Variants in CFAP57 observed in about 807,000 individuals in gnomAD.
CFAP57 encodes cilia- and flagella-associated protein 57.
In CFAP57, 116 loss-of-function variants were observed where a neutral mutation model predicts 146.8. The ratio of observed to expected loss-of-function variants is 0.79; its 90% CI spans 0.68 to 0.92. The LOEUF (loss-of-function observed/expected upper bound fraction) is 0.92, where lower values mean the gene tolerates loss of function less well. Among genes scored for constraint, CFAP57 ranks in the 40% least tolerant of loss-of-function variants. CFAP57 has a pLI of 0.00. For missense variants in CFAP57, 1,377 were observed against 1,527.2 expected (o/e 0.90, Z 1.64); for synonymous variants, 518 against 552.8 (o/e 0.94, Z 0.88).
intron 13 of CFAP57, 171 bp downstream of exon 13, chr1:43,219,708 G>A: frequency 2.5e-6 from 2 of 802,948 alleles, no homozygotes; most frequent in African/African-American, 1.7e-5. Context: ...CAGGCACAGT[G>A]GCTCATGCCT....
intron 18 of CFAP57, among the ~76,000 whole-genome samples, chr1:43,228,104 G>A (rs913429171): frequency 6.6e-6 from 1 of 152,128 alleles, no homozygotes; most frequent in Admixed American, 6.5e-5. Context: ...CTCCCCAGTG[G>A]GGTCCCATCC....
chr1:43,210,151 TC>T, intron 11 of CFAP57: 2 of 1,590,324 alleles, frequency 1.3e-6, no homozygotes, highest in South Asian at 2.2e-5. Context: ...TACAACGTTT[TC>T]ACCATAATAT....
chr1:43,207,635 A>C (rs1238108503), intron 10 of CFAP57, among the ~76,000 whole-genome samples: 1 of 152,198 alleles, frequency 6.6e-6, no homozygotes, highest in Non-Finnish European at 1.5e-5. Context: ...TAGGCTTGCC[A>C]CTGTATTCTT....
At position 43,206,879 on chromosome 1, in the gene CFAP57, A is replaced by G. The variant is rs774229357; in HGVS notation, c.1702A>G (p.Ile568Val). 3.1e-6 allele frequency: 5 copies of G among 1,614,068 alleles called. No homozygotes were observed. Among genetic ancestry groups the G allele is most frequent in the Non-Finnish European group, 3.4e-6 (4 of 1,180,018 alleles). Residue 568 changes from isoleucine (I) to valine (V), a missense_variant, in exon 10 of 23, where the codon ATT becomes GTT. Transcript: ENST00000372492. The part of the protein sequence containing the change: ...NCVTVSPDAK[I>V]IFAVGSDHTL... ...TGTTACTGTCTCCCCCGATGCCAAA[A>G]TTATCTTTGCTGTTGGATCAGACCA... is the stretch of plus-strand genomic sequence containing the variant.
At chr1:43,226,500 A>G (rs555775188) in intron 17 of CFAP57, among the ~76,000 whole-genome samples, 45 of 152,282 alleles carry the variant, frequency 3.0e-4, no homozygotes, top group African/African-American at 4.6e-4. Flanking sequence ...CCCTCCCCCA[A>G]TGCAGGTGTC....
chr1:43,206,877 A>G lies in CFAP57; in HGVS notation c.1700A>G (p.Lys567Arg), dbSNP rs1476838249. The change falls in exon 10 of 23, where the codon AAA becomes AGA. Residue 567 changes from lysine to arginine, a missense_variant. Physicochemically the swap from Lys to Arg is conservative, Grantham distance 26. Coordinates refer to ENST00000372492, the MANE Select transcript of CFAP57 (RefSeq NM_001378189.1). ...YNCVTVSPDA[K>R]IIFAVGSDHT... is the part of the protein sequence containing the mutation. ...TGTGTTACTGTCTCCCCCGATGCCA[A>G]AATTATCTTTGCTGTTGGATCAGAC... is the stretch of plus-strand genomic sequence containing the variant. The G allele has an allele frequency of 1.2e-6, 2 of 1,614,072 alleles. No homozygotes were observed. Among genetic ancestry groups the G allele is most frequent in the East Asian group, 2.2e-5 (1 of 44,888 alleles).
chr1:43,225,031 G>A (rs1645191827), intron 17 of CFAP57, among the ~76,000 whole-genome samples: 1 of 152,116 alleles, frequency 6.6e-6, no homozygotes, highest in Admixed American at 6.5e-5. Flanking sequence ...GCATGTGAGT[G>A]TCGGTGTACA....
intron 3 of CFAP57, among the ~76,000 whole-genome samples, chr1:43,182,467 G>A (rs183674583): frequency 6.6e-6 from 1 of 152,286 alleles, no homozygotes; most frequent in Non-Finnish European, 1.5e-5. Flanking sequence ...TTGTGTTCAT[G>A]TTCAGAGATT....
intron 5 of CFAP57, among the ~76,000 whole-genome samples, chr1:43,185,725 C>G (rs1041703580): frequency 4.6e-5 from 7 of 150,726 alleles, no homozygotes; most frequent in African/African-American, 1.7e-4. Flanking sequence ...TGAGACCAGC[C>G]TGGCCAACAT....
At chr1:43,221,055 G>A (rs952601775) in intron 13 of CFAP57, among the ~76,000 whole-genome samples, 2 of 152,226 alleles carry the variant, frequency 1.3e-5, no homozygotes, top group South Asian at 4.1e-4. Flanking sequence ...GCAATGTGCT[G>A]GCAACAGAGG....
intron 10 of CFAP57, among the ~76,000 whole-genome samples, chr1:43,209,207 TA>T (rs1644487368): frequency 6.6e-6 from 1 of 152,212 alleles, no homozygotes; most frequent in Non-Finnish European, 1.5e-5. Context: ...AAGGGGAGAC[TA>T]ATGTATGGTT....
At position 43,222,180 on chromosome 1, in the gene CFAP57, A is replaced by G. The variant is rs1645071025; in HGVS notation, c.2417A>G (p.Gln806Arg). The change falls in exon 15 of 23, where the codon CAG becomes CGG. Residue 806 changes from glutamine to arginine, a missense_variant. Gln to Arg is a conservative substitution (Grantham distance 43). Transcript: ENST00000372492. The stretch of plus-strand genomic sequence containing the variant: ...CTGCAGCTCAAGTCCCAGAGGATGC[A>G]GGAAGAGTATGAAAAACAGCTCCGG... ...QELQLKSQRM[Q>R]EEYEKQLRDN... 6.5e-7 allele frequency: 1 copy of G among 1,546,474 alleles called. No homozygotes were observed. Among genetic ancestry groups the G allele is most frequent in the Admixed American group, 2.0e-5 (1 of 50,720 alleles).
At chr1:43,235,180 C>A (rs1645640466) in intron 21 of CFAP57, among the ~76,000 whole-genome samples, 1 of 152,078 alleles carries the variant, frequency 6.6e-6, no homozygotes, top group African/African-American at 2.4e-5. Flanking sequence ...CCCAAGTTAG[C>A]CACAACGTCC....
chr1:43,227,479 T>C (rs1211891082), intron 18 of CFAP57, among the ~76,000 whole-genome samples: 15 of 152,208 alleles, frequency 9.9e-5, no homozygotes, highest in Admixed American at 9.8e-4. Flanking sequence ...GCTATCCTTC[T>C]AGTTCAGCAT....
At position 43,224,098 on chromosome 1, in the gene CFAP57, TAA is replaced by T; in HGVS notation, c.2762_2763del (p.Lys921ArgfsTer11). ...GAACGAACCAATGACATCGAGACCC[TAA>T]AAGGAGAGCAGATGAAGCTGCAAGG... On this transcript the variant is annotated frameshift_variant, in exon 17 of 23. Coordinates refer to ENST00000372492, the MANE Select transcript of CFAP57 (RefSeq NM_001378189.1). LOFTEE classifies it high-confidence loss of function. 6.4e-7 allele frequency: 1 copy of T among 1,550,514 alleles called. No homozygotes were observed. The highest frequency in any genetic ancestry group is 1.2e-5 in the South Asian group (1 of 84,046).
chr1:43,186,869 TC>T lies in CFAP57; in HGVS notation c.1122+12del, dbSNP rs746328123. The T allele has an allele frequency of 1.2e-6, 2 of 1,614,110 alleles. No individual in the cohort carries two copies. The highest frequency in any genetic ancestry group is 8.5e-7 in the Non-Finnish European group (1 of 1,180,008). On this transcript the variant is annotated intron_variant, in intron 6 of 22. Coordinates refer to ENST00000372492, the MANE Select transcript of CFAP57 (RefSeq NM_001378189.1). Reference sequence around the variant, plus strand: ...GACAGAGATCAGCAAGGTGAGTCTTTCCAGCAATGGTCCTTCCAGACCAGGA... The same window carrying T: ...GACAGAGATCAGCAAGGTGAGTCTTTCAGCAATGGTCCTTCCAGACCAGGA...
At position 43,243,281 on chromosome 1, in the gene CFAP57, A is replaced by G. The variant is rs568161071; in HGVS notation, c.3460A>G (p.Thr1154Ala). ...INELRRELKF[T>A]RSQVYDLEAA... is the part of the protein sequence containing the mutation. ...TGAGCTCCGCAGGGAGCTGAAGTTCACTCGGTCCCAAGTCTATGACCTTGA... is the reference window on the plus strand; with the variant it reads ...TGAGCTCCGCAGGGAGCTGAAGTTCGCTCGGTCCCAAGTCTATGACCTTGA... Residue 1154 changes from threonine (T) to alanine (A), a missense_variant, in exon 22 of 23, where the codon ACT becomes GCT. Physicochemically the swap from Thr to Ala is moderately conservative, Grantham distance 58. Transcript: ENST00000372492. 1.9e-6 allele frequency: 3 copies of G among 1,550,090 alleles called. No individual in the cohort carries two copies. Among genetic ancestry groups the G allele is most frequent in the Middle Eastern group, 3.3e-4 (2 of 5,988 alleles).
chr1:43,198,285 G>A (rs1224568785), intron 7 of CFAP57, among the ~76,000 whole-genome samples, 196 bp from the exon 8 acceptor site: 1 of 152,130 alleles, frequency 6.6e-6, no homozygotes, highest in Non-Finnish European at 1.5e-5. Flanking sequence ...ACCACACCTT[G>A]ACCAGTCTCC....
chr1:43,193,755 A>G (rs1340081820), intron 6 of CFAP57, among the ~76,000 whole-genome samples: 1 of 151,888 alleles, frequency 6.6e-6, no homozygotes, highest in Admixed American at 6.6e-5. Flanking sequence ...AAAGAAGCTG[A>G]GGTTAGAATG....
Sources: gnomAD v4.1 joint callset for allele counts (sites outside exome capture counted in the v4.1 genomes callset) on GRCh38, gnomAD v4.1.1 for gene constraint, MANE v1.5 for transcripts, NCBI Gene and HGNC (gene_info 2026-07-23, HGNC 2026-07-21) for gene names.